Variants in PTPRS observed in about 807,000 individuals in gnomAD.
PTPRS encodes receptor-type tyrosine-protein phosphatase S.
Under a neutral mutation model 215.3 loss-of-function variants are expected in PTPRS, and 63 were observed. The ratio of observed to expected loss-of-function variants is 0.29; its 90% CI spans 0.24 to 0.36. The LOEUF (loss-of-function observed/expected upper bound fraction) is 0.36. Among genes scored for constraint, PTPRS ranks in the 10% least tolerant of loss-of-function variants. The probability of loss-of-function intolerance (pLI) is 1.00; values close to 1 mark genes in which losing one functional copy is unlikely to be tolerated. For missense variants in PTPRS, 2,258 were observed against 2,825.8 expected, an observed-to-expected ratio of 0.80 and a Z score of 4.56; for synonymous variants, 1,404 against 1,191.4, an observed-to-expected ratio of 1.18 and a Z score of -3.68.
intron 2 of PTPRS, among the ~76,000 whole-genome samples, chr19:5,285,824 C>T (rs150778092): frequency 6.6e-6 from 1 of 152,180 alleles, no homozygotes; most frequent in Non-Finnish European, 1.5e-5. Flanking sequence ...ATCATCATTA[C>T]GGTTATTACT....
At chr19:5,216,578 C>T (rs1568383553) in intron 26 of PTPRS, 142 bp downstream of exon 26, 1 of 728,652 alleles carries the variant, frequency 1.4e-6, no homozygotes, top group East Asian at 2.7e-5. Context: ...TGCCCTCTTC[C>T]AGGAGCCAGC....
Position 5,229,611 on chromosome 19 carries a change from C to T in PTPRS, c.2229G>A (p.Ser743=). 4.2e-6 allele frequency: 6 copies of T among 1,417,148 alleles called. No homozygotes were observed. The highest frequency in any genetic ancestry group is 2.9e-5 in the South Asian group (2 of 68,444). 87.8% of individuals were successfully genotyped at this position (1,417,148 alleles called of 1,614,324 possible). Residue 743 remains serine, a synonymous_variant, in exon 15 of 38, where the codon TCG becomes TCA. Coordinates refer to ENST00000262963, the MANE Select transcript of PTPRS (RefSeq NM_002850.4). ...NATAIRVLWR[S]PAPGRQHGQI... Reference sequence around the variant, plus strand: ...GGCCGTGCTGCCGGCCGGGCGCGGGCGAGCGCCACAGCACGCGGATGGCCG... The same window carrying T: ...GGCCGTGCTGCCGGCCGGGCGCGGGTGAGCGCCACAGCACGCGGATGGCCG...
chr19:5,262,782 A>G (rs2046102783), intron 6 of PTPRS, among the ~76,000 whole-genome samples, 182 bp downstream of exon 6: 2 of 151,892 alleles, frequency 1.3e-5, no homozygotes, highest in Non-Finnish European at 2.9e-5. Flanking sequence ...CACTAGTGCC[A>G]GCTGGGGAGG....
intron 1 of PTPRS, among the ~76,000 whole-genome samples, chr19:5,315,582 C>A (rs960079237): frequency 6.6e-6 from 1 of 151,792 alleles, no homozygotes; most frequent in Admixed American, 6.6e-5. Flanking sequence ...CCTGCCTGAT[C>A]TGGAACTCCA....
chr19:5,208,042 C>G lies in PTPRS; in HGVS notation c.5658G>C (p.Arg1886Ser). 6.2e-7 allele frequency: 1 copy of G among 1,612,594 alleles called. No individual in the cohort carries two copies. Among genetic ancestry groups the G allele is most frequent in the Non-Finnish European group, 8.5e-7 (1 of 1,179,150 alleles). ...ISVHCSAGVG[R>S]TGVFITLSIV... ...TGCTAAGCGTGATGAAGACGCCCGT[C>G]CTGCCCACGCCGGCACTGGTGGCAG... The change falls in exon 37 of 38, where the codon AGG becomes AGC. Residue 1886 changes from arginine (R) to serine (S), a missense_variant. Arg to Ser is a moderately radical substitution (Grantham distance 110). Around this residue, in one of 6 missense-constraint regions of PTPRS, gnomAD observed 89 missense variants for 104.0 expected, o/e 0.86. Transcript: ENST00000262963.
chr19:5,229,294 G>T, intron 16 of PTPRS, 22 bp downstream of exon 16: 1 of 1,377,970 alleles, frequency 7.3e-7, no homozygotes, highest in Non-Finnish European at 9.4e-7. Flanking sequence ...GCAGTAGGTG[G>T]GTGGCCAGGG....
At chr19:5,337,002 C>A (rs575865887) in intron 1 of PTPRS, among the ~76,000 whole-genome samples, 45 of 152,254 alleles carry the variant, frequency 3.0e-4, no homozygotes, top group African/African-American at 1.1e-3. Flanking sequence ...TGGGGAGTGC[C>A]CCTTTCTGGG....
chr19:5,316,057 A>C (rs1404809091), intron 1 of PTPRS, among the ~76,000 whole-genome samples: 1 of 151,870 alleles, frequency 6.6e-6, no homozygotes, highest in Non-Finnish European at 1.5e-5. Flanking sequence ...AGCTGGGGCC[A>C]CAGGCACACA....
At chr19:5,315,351 GTTTTTTT>G (rs952833168) in intron 1 of PTPRS, among the ~76,000 whole-genome samples, 5 of 79,800 alleles carry the variant, frequency 6.3e-5, no homozygotes, top group Non-Finnish European at 1.1e-4. Flanking sequence ...TTTGAAAAGG[GTTTTTTT>G]TTTTTTTTTT....
At chr19:5,308,490 C>G (rs2049577095) in intron 1 of PTPRS, among the ~76,000 whole-genome samples, 1 of 152,214 alleles carries the variant, frequency 6.6e-6, no homozygotes, top group Admixed American at 6.5e-5. Flanking sequence ...GAGAGGGAAT[C>G]AGGCCCAGGG....
rs1386194139 is a variant in PTPRS, at chr19:5,246,897, G to C, written c.719-852C>G. On this transcript the variant is annotated intron_variant, in intron 9 of 37. Transcript: ENST00000262963. ...TGCAAAATAGATTGAGAGAGAGAGAGAGAGAGAAAGAGAGAGCGAGCGAGA... is the reference window on the plus strand; with the variant it reads ...TGCAAAATAGATTGAGAGAGAGAGACAGAGAGAAAGAGAGAGCGAGCGAGA... Among the ~76,000 whole-genome samples, 4 of 152,038 alleles carry C rather than the reference G, an allele frequency of 2.6e-5. No homozygotes were observed. In the East Asian group the frequency reaches 7.8e-4, roughly 30 times the overall value.
Position 5,206,058 on chromosome 19 carries a change from ATT to A in PTPRS, c.*714_*715del, listed in dbSNP as rs368159801. Among the ~76,000 whole-genome samples, 32 of 146,062 alleles carry A rather than the reference ATT, an allele frequency of 2.2e-4. No homozygotes were observed. The highest frequency in any genetic ancestry group is 7.8e-4 in the African/African-American group (30 of 38,600). ...AGCACACTTTCTGATGGTAGGAAAA[ATT>A]AAAAAAAAAAAAAAAAAAAAAAAAG... On this transcript the variant is annotated 3_prime_UTR_variant, in exon 38 of 38. Coordinates refer to ENST00000262963, the MANE Select transcript of PTPRS (RefSeq NM_002850.4).
intron 1 of PTPRS, among the ~76,000 whole-genome samples, chr19:5,298,431 T>A (rs989216774): frequency 6.6e-6 from 1 of 152,198 alleles, no homozygotes; most frequent in African/African-American, 2.4e-5. Flanking sequence ...TCCTTCATAT[T>A]TGGCACCAAA....
At chr19:5,300,362 A>C (rs1600070410) in intron 1 of PTPRS, among the ~76,000 whole-genome samples, 1 of 152,074 alleles carries the variant, frequency 6.6e-6, no homozygotes, top group Non-Finnish European at 1.5e-5. Flanking sequence ...CACATAGCAC[A>C]CTTCCATCAC....
At chr19:5,329,946 G>A (rs919352465) in intron 1 of PTPRS, among the ~76,000 whole-genome samples, 3 of 151,708 alleles carry the variant, frequency 2.0e-5, no homozygotes, top group African/African-American at 7.3e-5. Flanking sequence ...CGAGCATGGT[G>A]GCACATGCCT....
At chr19:5,289,788 A>T (rs1184576780) in intron 1 of PTPRS, among the ~76,000 whole-genome samples, 1 of 152,230 alleles carries the variant, frequency 6.6e-6, no homozygotes. Flanking sequence ...GCAAGGGGGC[A>T]GCACTGAGAG....
Position 5,274,355 on chromosome 19 carries a change from A to G in PTPRS, c.92-11T>C, listed in dbSNP as rs2047176561. 6.6e-7 allele frequency: 1 copy of G among 1,514,702 alleles called. No individual in the cohort carries two copies. Among genetic ancestry groups the G allele is most frequent in the Non-Finnish European group, 9.0e-7 (1 of 1,113,024 alleles). The allele number at this position is 1,514,702 out of a possible 1,614,324, so 93.8% of individuals were successfully genotyped here. On this transcript the variant is annotated splice_polypyrimidine_tract_variant and intron_variant, in intron 2 of 37. Coordinates refer to ENST00000262963, the MANE Select transcript of PTPRS (RefSeq NM_002850.4). ...TAAACCTGGGGGGCTCTGGGGATAC[A>G]GTGGAAAGAAGGGGGGGCGCTGATG...
At chr19:5,250,759 C>G (rs900171398) in intron 9 of PTPRS, among the ~76,000 whole-genome samples, 1 of 151,054 alleles carries the variant, frequency 6.6e-6, no homozygotes, top group Non-Finnish European at 1.5e-5. Flanking sequence ...GAGACGACCC[C>G]TCCCCCAGGC....
intron 17 of PTPRS, among the ~76,000 whole-genome samples, chr19:5,224,979 C>T (rs2042346108): frequency 6.6e-6 from 1 of 152,100 alleles, no homozygotes; most frequent in African/African-American, 2.4e-5. Context: ...AACACCCGAG[C>T]TTGTTCCGCC....
Sources: gnomAD v4.1 joint callset for allele counts (sites outside exome capture counted in the v4.1 genomes callset) on GRCh38, gnomAD v4.1.1 for gene constraint, gnomAD v4.1.1 regional missense constraint, MANE v1.5 for transcripts, NCBI Gene and HGNC (gene_info 2026-07-23, HGNC 2026-07-21) for gene names.